TBC1D16: variants seen among roughly 807,000 people sequenced by gnomAD.
TBC1D16 encodes TBC1 domain family member 16.
TBC1D16 carries 58 observed loss-of-function variants against 74.7 expected under a neutral mutation model. That is an observed-to-expected ratio of 0.78 (90% CI 0.63 to 0.97). The LOEUF (loss-of-function observed/expected upper bound fraction) is 0.97. TBC1D16 is among the 50% of genes least tolerant of loss of function. The pLI is 0.00. For synonymous variants in TBC1D16, 493 were observed against 474.7 expected (o/e 1.04, Z -0.50); for missense variants, 1,014 against 1,079.5 (o/e 0.94, Z 0.85).
At chr17:79,999,347 C>T (rs551567572) in intron 3 of TBC1D16, among the ~76,000 whole-genome samples, 4 of 152,052 alleles carry the variant, frequency 2.6e-5, no homozygotes, top group African/African-American at 9.6e-5. Context: ...TGAAAAGCTG[C>T]AGCCAAAACC....
At chr17:79,964,770 G>A (rs1223804526) in intron 3 of TBC1D16, among the ~76,000 whole-genome samples, 3 of 152,064 alleles carry the variant, frequency 2.0e-5, no homozygotes, top group East Asian at 1.9e-4. Context: ...ATGATACAAC[G>A]CCATTAAGCA....
chr17:80,013,835 A>G (rs2144692628), intron 1 of TBC1D16, among the ~76,000 whole-genome samples: 1 of 152,254 alleles, frequency 6.6e-6, no homozygotes, highest in Non-Finnish European at 1.5e-5. Context: ...GGATGCCACC[A>G]GCACCTCCCT....
rs932454593 is a variant in TBC1D16, at chr17:79,956,831, G to A, written c.780-4013C>T. ...CCCAGCTGTAGGTCCCAAGCACAGT[G>A]TCCTGAATTAATGAATCAATCCATT... On this transcript the variant is annotated intron_variant, in intron 3 of 11. Coordinates refer to ENST00000310924, the MANE Select transcript of TBC1D16 (RefSeq NM_019020.4). The surrounding 1 kb of genome is among the most constrained non-coding windows in gnomAD (Gnocchi z 4.0). 6.6e-6 allele frequency among the ~76,000 whole-genome samples: 1 copy of A among 152,166 alleles called. No individual in the cohort carries two copies. Among genetic ancestry groups the A allele is most frequent in the Non-Finnish European group, 1.5e-5 (1 of 68,020 alleles).
intron 3 of TBC1D16, among the ~76,000 whole-genome samples, chr17:79,989,241 A>G (rs1197274374): frequency 6.6e-6 from 1 of 152,170 alleles, no homozygotes. Context: ...ACTTTTGCCC[A>G]TGACTTAAGC....
rs140293363 is a variant in TBC1D16 at position 79,948,245 on chromosome 17, G to A, written c.1542-414C>T. On this transcript the variant is annotated intron_variant, in intron 8 of 11. Coordinates refer to ENST00000310924, the MANE Select transcript of TBC1D16 (RefSeq NM_019020.4). ...GGAGAATCGCTTGAACCCGGAAAGC[G>A]GAAGTTGCAGTGAGCCGAGATCACA... Among the ~76,000 whole-genome samples the A allele has an allele frequency of 8.0e-5, 12 of 149,724 alleles. No individual in the cohort carries two copies. The East Asian group carries it at 2.0e-3, about 25-fold the overall frequency.
At chr17:80,017,680 C>T (rs368306430) in intron 1 of TBC1D16, among the ~76,000 whole-genome samples, 3 of 84,838 alleles carry the variant, frequency 3.5e-5, no homozygotes, top group African/African-American at 4.0e-5. Flanking sequence ...GACTCCATCT[C>T]AAAAAAAAAA....
chr17:79,975,606 G>A lies in TBC1D16; in HGVS notation c.780-22788C>T, dbSNP rs1389614094. ...CAGAGGGTTGGGGACTGGGGGGGTC[G>A]TGCATGAAGACAGCCACCGCCCACA... On this transcript the variant is annotated intron_variant, in intron 3 of 11. Transcript: ENST00000310924. This position sits in a 1 kb window ranked among gnomAD's most constrained non-coding sequence, Gnocchi z 4.5. 2.0e-5 allele frequency among the ~76,000 whole-genome samples: 3 copies of A among 152,142 alleles called. No individual in the cohort carries two copies. Among genetic ancestry groups the A allele is most frequent in the Admixed American group, 6.5e-5 (1 of 15,270 alleles).
intron 3 of TBC1D16, among the ~76,000 whole-genome samples, chr17:79,978,845 TC>T (rs2144243768): frequency 6.6e-6 from 1 of 152,322 alleles, no homozygotes; most frequent in African/African-American, 2.4e-5. Context: ...GCTGGGTACA[TC>T]TAATAAATAA....
At chr17:80,017,706 A>G (rs1202531325) in intron 1 of TBC1D16, among the ~76,000 whole-genome samples, 3 of 148,756 alleles carry the variant, frequency 2.0e-5, no homozygotes, top group African/African-American at 7.4e-5. Context: ...AAAAAAAAGT[A>G]AAAACCATCC....
chr17:80,006,199 G>A (rs920282583), intron 3 of TBC1D16, among the ~76,000 whole-genome samples: 5 of 150,358 alleles, frequency 3.3e-5, no homozygotes, highest in Non-Finnish European at 7.4e-5. Flanking sequence ...GCTCTCTCTC[G>A]CTCTCTCGCT....
rs2035739236 is a variant in TBC1D16, at chr17:80,007,916, C to T, written c.779+2244G>A. Among the ~76,000 whole-genome samples the T allele has an allele frequency of 6.6e-6, 1 of 151,978 alleles. No individual in the cohort carries two copies. Among genetic ancestry groups the T allele is most frequent in the Non-Finnish European group, 1.5e-5 (1 of 67,986 alleles). On this transcript the variant is annotated intron_variant, in intron 3 of 11. Coordinates refer to ENST00000310924, the MANE Select transcript of TBC1D16 (RefSeq NM_019020.4). This position sits in a 1 kb window ranked among gnomAD's most constrained non-coding sequence, Gnocchi z 4.5. Reference sequence around the variant, plus strand: ...CTTCATCCTGAAAATGATGGGCGGCCCCCGGTGGGTCCCAGGCAGAGGGAC... The same window carrying T: ...CTTCATCCTGAAAATGATGGGCGGCTCCCGGTGGGTCCCAGGCAGAGGGAC...
Position 79,936,657 on chromosome 17 carries a change from TC to T in TBC1D16, c.*4201del, listed in dbSNP as rs753708274. On this transcript the variant is annotated 3_prime_UTR_variant, in exon 12 of 12. Coordinates refer to ENST00000310924, the MANE Select transcript of TBC1D16 (RefSeq NM_019020.4). ...GGCATGCCTCTGGCTTCATGAACCT[TC>T]GGGGGAAATTAGCTTTCTAGTTTGG... 1 of 152,322 alleles carries T rather than the reference TC, an allele frequency of 6.6e-6. No homozygotes were observed. Among genetic ancestry groups the T allele is most frequent in the Non-Finnish European group, 1.5e-5 (1 of 68,212 alleles). The allele number at this position is 152,322 out of a possible 1,614,324, so 9.4% of individuals were successfully genotyped here.
rs544209452 is a variant in TBC1D16 at position 80,008,015 on chromosome 17, T to G, written c.779+2145A>C. On this transcript the variant is annotated intron_variant, in intron 3 of 11. Coordinates refer to ENST00000310924, the MANE Select transcript of TBC1D16 (RefSeq NM_019020.4). This position sits in a 1 kb window ranked among gnomAD's most constrained non-coding sequence, Gnocchi z 4.5. ...GATGCCAATACATCCCCACCCTCAGTTGTGATAAAAAAAAAAAAAAAGTGT... is the reference window on the plus strand; with the variant it reads ...GATGCCAATACATCCCCACCCTCAGGTGTGATAAAAAAAAAAAAAAAGTGT... 6.7e-6 allele frequency among the ~76,000 whole-genome samples: 1 copy of G among 148,986 alleles called. No individual in the cohort carries two copies. Among genetic ancestry groups the G allele is most frequent in the Non-Finnish European group, 1.5e-5 (1 of 67,218 alleles).
intron 10 of TBC1D16, among the ~76,000 whole-genome samples, chr17:79,943,269 C>T (rs913342148): frequency 6.6e-6 from 1 of 152,176 alleles, no homozygotes; most frequent in African/African-American, 2.4e-5. Flanking sequence ...GTGATTTGAA[C>T]TGTGGCTGGT....
intron 9 of TBC1D16, among the ~76,000 whole-genome samples, chr17:79,947,387 C>A (rs2032632565): frequency 6.6e-6 from 1 of 152,194 alleles, no homozygotes; most frequent in Non-Finnish European, 1.5e-5. Flanking sequence ...GCCAGGTTGT[C>A]ACGTGCAGGG....
chr17:80,001,603 T>G lies in TBC1D16; in HGVS notation c.779+8557A>C, dbSNP rs899147678. Reference sequence around the variant, plus strand: ...GGGATCAGGGGTTTGATCCTGAAATTTGGGAGGAATGGAGGATGCAGCCCT... The same window carrying G: ...GGGATCAGGGGTTTGATCCTGAAATGTGGGAGGAATGGAGGATGCAGCCCT... On this transcript the variant is annotated intron_variant, in intron 3 of 11. Coordinates refer to ENST00000310924, the MANE Select transcript of TBC1D16 (RefSeq NM_019020.4). This position sits in a 1 kb window ranked among gnomAD's most constrained non-coding sequence, Gnocchi z 5.8. 1.3e-5 allele frequency among the ~76,000 whole-genome samples: 2 copies of G among 152,046 alleles called. No individual in the cohort carries two copies. The highest frequency in any genetic ancestry group is 2.9e-5 in the Non-Finnish European group (2 of 67,988).
intron 3 of TBC1D16, among the ~76,000 whole-genome samples, chr17:79,962,156 T>C (rs1280900600): frequency 6.6e-6 from 1 of 151,886 alleles, no homozygotes; most frequent in South Asian, 2.1e-4. Flanking sequence ...CCAATTATTT[T>C]ATTGTGTTAA....
In TBC1D16 at chr17:79,941,891, G is replaced by GC. The variant is rs1195730461; in HGVS notation, c.2055+168dup. Among the ~76,000 whole-genome samples, 2 of 150,084 alleles carry GC rather than the reference G, an allele frequency of 1.3e-5. No homozygotes were observed. The highest frequency in any genetic ancestry group is 5.0e-5 in the African/African-American group (2 of 39,914). The stretch of plus-strand genomic sequence containing the variant: ...GCTGACCACGAGGCCTTAGTGGGGA[G>GC]CCCCCAGTGCTATGGGTGGGGGAGG... On this transcript the variant is annotated intron_variant, in intron 11 of 11. Transcript: ENST00000310924. The surrounding 1 kb of genome is among the most constrained non-coding windows in gnomAD (Gnocchi z 4.3).
At chr17:79,978,520 C>T (rs925742848) in intron 3 of TBC1D16, among the ~76,000 whole-genome samples, 1 of 152,226 alleles carries the variant, frequency 6.6e-6, no homozygotes, top group Admixed American at 6.5e-5. Flanking sequence ...ATGTACCAGG[C>T]CTTTGAGTGC....
Sources: allele counts gnomAD v4.1 joint callset (sites outside exome capture counted in the v4.1 genomes callset), GRCh38; gene constraint gnomAD v4.1.1; non-coding constraint Gnocchi (gnomAD v3.1); transcripts MANE v1.5; gene names NCBI Gene and HGNC (gene_info 2026-07-23, HGNC 2026-07-21).